Variants in KCNU1 observed in about 807,000 individuals in gnomAD.
KCNU1 encodes potassium calcium-activated channel subfamily U member 1, also known as potassium channel subfamily U member 1.
A neutral mutation model predicts 126.8 loss-of-function variants in KCNU1; 93 were observed. The ratio of observed to expected loss-of-function variants is 0.73; its 90% confidence interval spans 0.62 to 0.87. The LOEUF (loss-of-function observed/expected upper bound fraction) is 0.87, where lower values mean the gene tolerates loss of function less well. KCNU1 is among the 40% of genes least tolerant of loss of function. The pLI, the probability that KCNU1 is intolerant of heterozygous loss-of-function variation, is 0.00. For synonymous variants in KCNU1, 523 were observed against 494.2 expected, an observed-to-expected ratio of 1.06 and a Z score of -0.77; for missense variants, 1,330 against 1,367.1, an observed-to-expected ratio of 0.97 and a Z score of 0.43.
intron 19 of KCNU1, among the ~76,000 whole-genome samples, chr8:36,890,529 C>G (rs1415906119): frequency 1.3e-5 from 2 of 151,638 alleles, no homozygotes; most frequent in Non-Finnish European, 2.9e-5. Context: ...TGTTGTGCTA[C>G]AAAAAGAGAT....
chr8:36,814,468 A>G (rs937792327), intron 8 of KCNU1, 91 bp downstream of exon 8: 5 of 939,792 alleles, frequency 5.3e-6, no homozygotes, highest in Admixed American at 4.4e-5. Context: ...TAGGTTTAAG[A>G]GTGAATGTTG....
At position 36,845,649 on chromosome 8, in the gene KCNU1, A is replaced by C. The variant is rs61744036; in HGVS notation, c.1773A>C (p.Glu591Asp). 1 of 1,608,052 alleles carries C rather than the reference A, an allele frequency of 6.2e-7. No homozygotes were observed. The highest frequency in any genetic ancestry group is 8.5e-7 in the Non-Finnish European group (1 of 1,174,520). The change falls in exon 17 of 27, where the codon GAA becomes GAC. Residue 591 changes from glutamate to aspartate, a missense_variant. By Grantham distance (45) the Glu-to-Asp change is conservative (BLOSUM62 2). Around this residue, in one of 3 missense-constraint regions of KCNU1, gnomAD observed 1,054 missense variants for 1,053.9 expected, o/e 1.00. Transcript: ENST00000399881. ...RKNTLGFFIA[E>D]TPKDVRRALF... ...ACACATTAGGGTTCTTTATTGCTGA[A>C]ACTCCAAAGGACGTCAGAAGGTAAT...
chr8:36,907,346 G>T (rs1242874011), intron 20 of KCNU1, among the ~76,000 whole-genome samples: 1 of 152,092 alleles, frequency 6.6e-6, no homozygotes, highest in Non-Finnish European at 1.5e-5. Flanking sequence ...TGGAGAAATT[G>T]CCTCTCTAGC....
intron 24 of KCNU1, among the ~76,000 whole-genome samples, chr8:36,930,637 AC>A (rs897711590): frequency 6.6e-6 from 1 of 151,998 alleles, no homozygotes; most frequent in African/African-American, 2.4e-5. Context: ...TGACATGTAT[AC>A]CCCCTCTGGT....
chr8:36,788,180 A>G (rs1324221934), intron 2 of KCNU1, among the ~76,000 whole-genome samples: 1 of 152,082 alleles, frequency 6.6e-6, no homozygotes, highest in Non-Finnish European at 1.5e-5. Flanking sequence ...TGAATGTATT[A>G]AATCTCACTT....
chr8:36,802,662 G>C (rs1488837276), intron 2 of KCNU1, among the ~76,000 whole-genome samples: 1 of 152,136 alleles, frequency 6.6e-6, no homozygotes, highest in Non-Finnish European at 1.5e-5. Flanking sequence ...CCGAAATCAA[G>C]GGAACCGCAA....
chr8:36,792,088 G>A (rs745790764), intron 2 of KCNU1, among the ~76,000 whole-genome samples: 5 of 151,858 alleles, frequency 3.3e-5, no homozygotes, highest in African/African-American at 7.3e-5. Flanking sequence ...GATCATTTAC[G>A]GATATTATTG....
intron 1 of KCNU1, among the ~76,000 whole-genome samples, chr8:36,786,486 T>A (rs554883984): frequency 6.6e-6 from 1 of 152,266 alleles, no homozygotes; most frequent in Admixed American, 6.5e-5. Flanking sequence ...AGTAGAAAAA[T>A]TAAGTGATTT....
intron 10 of KCNU1, 65 bp downstream of exon 10, chr8:36,817,825 A>T: frequency 1.3e-6 from 1 of 762,926 alleles, no homozygotes; most frequent in South Asian, 1.7e-5. Flanking sequence ...AATATTTTTA[A>T]TGCAAGAAAA....
At chr8:36,934,879 G>T (rs956137466) in intron 26 of KCNU1, among the ~76,000 whole-genome samples, 1 of 152,080 alleles carries the variant, frequency 6.6e-6, no homozygotes, top group South Asian at 2.1e-4. Context: ...TAACAGTTCT[G>T]GATATTCTTT....
At chr8:36,785,333 CT>C (rs1802675498) in intron 1 of KCNU1, among the ~76,000 whole-genome samples, 1 of 152,186 alleles carries the variant, frequency 6.6e-6, no homozygotes, top group African/African-American at 2.4e-5. Flanking sequence ...TTACTATACC[CT>C]GTGTAGTTTG....
chr8:36,839,144 G>C (rs1331260232), intron 14 of KCNU1, among the ~76,000 whole-genome samples: 1 of 152,190 alleles, frequency 6.6e-6, no homozygotes, highest in Non-Finnish European at 1.5e-5. Context: ...AATGCCATGT[G>C]TTTTAATTAT....
chr8:36,843,872 C>G (rs1482691503), intron 16 of KCNU1, among the ~76,000 whole-genome samples: 1 of 152,174 alleles, frequency 6.6e-6, no homozygotes, highest in Non-Finnish European at 1.5e-5. Context: ...CCATCACTTA[C>G]TGTAATGATT....
intron 19 of KCNU1, among the ~76,000 whole-genome samples, chr8:36,868,703 G>C (rs1415282014): frequency 6.6e-6 from 1 of 151,766 alleles, no homozygotes; most frequent in Non-Finnish European, 1.5e-5. Flanking sequence ...ATGTTGTCAG[G>C]CTAGCACACA....
chr8:36,894,399 C>T (rs1807099965), intron 19 of KCNU1, among the ~76,000 whole-genome samples: 1 of 152,044 alleles, frequency 6.6e-6, no homozygotes, highest in Non-Finnish European at 1.5e-5. Flanking sequence ...CAAGAGAAGT[C>T]ATTTACTAAT....
intron 24 of KCNU1, among the ~76,000 whole-genome samples, chr8:36,927,985 AAGAT>A (rs1226479147): frequency 5.4e-5 from 7 of 129,664 alleles, no homozygotes; most frequent in Admixed American, 8.1e-5. Flanking sequence ...AGAGGAAAGA[AAGAT>A]GGAAGGAAGG....
At chr8:36,832,696 T>A (rs1356066057) in intron 10 of KCNU1, among the ~76,000 whole-genome samples, 1 of 152,272 alleles carries the variant, frequency 6.6e-6, no homozygotes, top group East Asian at 1.9e-4. Context: ...ATGTGGTTTA[T>A]CTTCTCTGTT....
chr8:36,911,343 A>C (rs554979509), intron 22 of KCNU1, among the ~76,000 whole-genome samples: 1 of 152,288 alleles, frequency 6.6e-6, no homozygotes, highest in East Asian at 1.9e-4. Context: ...AATGGAATGC[A>C]CTTAACGCAG....
intron 18 of KCNU1, among the ~76,000 whole-genome samples, chr8:36,847,881 T>A (rs182583955): frequency 2.6e-5 from 4 of 152,346 alleles, no homozygotes; most frequent in Admixed American, 2.6e-4. Flanking sequence ...TTTGATGAAT[T>A]CCCATACAGC....
Sources: gnomAD v4.1 joint callset for allele counts (sites outside exome capture counted in the v4.1 genomes callset) on GRCh38, gnomAD v4.1.1 for gene constraint, gnomAD v4.1.1 regional missense constraint, MANE v1.5 for transcripts, NCBI Gene and HGNC (gene_info 2026-07-23, HGNC 2026-07-21) for gene names.